The following NSF variants were observed in gnomAD, a reference collection of about 807,000 sequenced individuals.
The protein encoded by NSF is N-ethylmaleimide sensitive factor, vesicle fusing ATPase, also known as vesicle-fusing ATPase.
NSF carries 14 observed loss-of-function variants against 50.3 expected under a neutral mutation model. The ratio of observed to expected loss-of-function variants is 0.28; its 90% CI spans 0.18 to 0.44. The LOEUF is 0.44. Ranked by LOEUF, NSF falls within the 20% of genes least tolerant of loss-of-function variation. The pLI is 1.00. For missense variants in NSF, 218 were observed against 504.3 expected (o/e 0.43, Z 5.44); for synonymous variants, 109 against 175.7 (o/e 0.62, Z 3.00).
rs1029770779 is a variant in NSF, at chr17:46,676,236, T to C, written c.945+1623T>C. 4.0e-3 allele frequency among the ~76,000 whole-genome samples: 462 copies of C among 115,134 alleles called. 5 individuals are homozygous for C. Among genetic ancestry groups the C allele is most frequent in the East Asian group, 0.014 (71 of 4,944 alleles). The allele number at this position is 115,134 out of a possible 152,430, so 75.5% of individuals were successfully genotyped here. ...ATCTCCTATGGGAATTCTTCTTCTT[T>C]TTTTTTTTTTTTTGAGATGGAGTTT... On this transcript the variant is annotated intron_variant, in intron 9 of 20. Coordinates refer to ENST00000398238, the MANE Select transcript of NSF (RefSeq NM_006178.4).
intron 17 of NSF, among the ~76,000 whole-genome samples, chr17:46,745,310 T>C (rs763319011): frequency 3.3e-5 from 5 of 152,224 alleles, no homozygotes; most frequent in Non-Finnish European, 1.5e-5. Flanking sequence ...CCCAGCACAA[T>C]TTAATAATTT....
rs981393024 is a variant in NSF at position 46,757,150 on chromosome 17, A to C, written c.*1327A>C. 4 of 152,172 alleles carry C rather than the reference A, an allele frequency of 2.6e-5. No individual in the cohort carries two copies. Among genetic ancestry groups the C allele is most frequent in the African/African-American group, 9.7e-5 (4 of 41,442 alleles). 9.4% of individuals were successfully genotyped at this position (152,172 alleles called of 1,614,324 possible). A position where few individuals can be genotyped will look rare whatever the true frequency, so the allele number is the denominator to read the frequency against. ...CATGTGAGAAAGCAGATCATCTCCA[A>C]ATCTTGCCATTTGTATACTTTTGGT... On this transcript the variant is annotated 3_prime_UTR_variant, in exon 21 of 21. Transcript: ENST00000398238.
At chr17:46,723,017 G>A (rs1050735459) in intron 15 of NSF, among the ~76,000 whole-genome samples, 1 of 152,182 alleles carries the variant, frequency 6.6e-6, no homozygotes, top group African/African-American at 2.4e-5. Flanking sequence ...CAAATGTTAT[G>A]TGTAGGCCAT....
chr17:46,741,770 T>TTTG (rs147244018), intron 17 of NSF, among the ~76,000 whole-genome samples: 147,804 of 151,712 alleles, frequency 0.97, 72,088 homozygotes, highest in East Asian at 1. Context: ...GGTTTTTGTT[T>TTTG]TTGTTGTTGT....
chr17:46,743,086 C>G (rs1042210852), intron 17 of NSF, among the ~76,000 whole-genome samples: 1 of 152,116 alleles, frequency 6.6e-6, no homozygotes, highest in Non-Finnish European at 1.5e-5. Flanking sequence ...TGCCATGACT[C>G]CTTCGGAGGG....
chr17:46,726,889 A>G (rs568704196), intron 16 of NSF, among the ~76,000 whole-genome samples: 7 of 152,306 alleles, frequency 4.6e-5, no homozygotes, highest in South Asian at 2.1e-4. Context: ...TTGCCATAGT[A>G]AATGATTAGT....
rs1041218632 is a variant in NSF, at chr17:46,722,006, C to T, written c.1762-4543C>T. The T allele has an allele frequency of 8.7e-6, 14 of 1,608,598 alleles. No individual in the cohort carries two copies. In the South Asian group the frequency reaches 9.9e-5, roughly 11 times the overall value. Reference sequence around the variant, plus strand: ...GATTATGATAGCTTTCCGACCACCACCAACTTCAGTTTCCTTGGCTGCCGT... The same window carrying T: ...GATTATGATAGCTTTCCGACCACCATCAACTTCAGTTTCCTTGGCTGCCGT... On this transcript the variant is annotated intron_variant, in intron 15 of 20. Transcript: ENST00000398238.
At chr17:46,742,904 A>G (rs914952654) in intron 17 of NSF, among the ~76,000 whole-genome samples, 2 of 152,182 alleles carry the variant, frequency 1.3e-5, no homozygotes, top group African/African-American at 4.8e-5. Context: ...GAAAATATGA[A>G]AAATTATTCC....
chr17:46,597,788 CTTTTTTTTTTTTTTTTTT>C (rs1162187499), intron 1 of NSF, among the ~76,000 whole-genome samples: 1 of 44,168 alleles, frequency 2.3e-5, no homozygotes, highest in Non-Finnish European at 4.9e-5. Flanking sequence ...TTGCAATACT[CTTTTTTTTTTTTTTTTTT>C]TTTTTTTTTT....
intron 9 of NSF, among the ~76,000 whole-genome samples, chr17:46,685,477 A>T (rs1280670932): frequency 6.6e-6 from 1 of 152,002 alleles, no homozygotes; most frequent in Non-Finnish European, 1.5e-5. Flanking sequence ...ACGGAGATGA[A>T]CACTTGCATA....
chr17:46,742,756 G>A (rs199442), intron 17 of NSF, among the ~76,000 whole-genome samples: 45,671 of 152,070 alleles, frequency 0.3, 7,625 homozygotes, highest in East Asian at 0.6. Context: ...CTGCAAGGGC[G>A]CAGATGGATG....
rs201718415 is a variant in NSF, at chr17:46,693,571, A to G, written c.1112-276A>G. On this transcript the variant is annotated intron_variant, in intron 10 of 20. Coordinates refer to ENST00000398238, the MANE Select transcript of NSF (RefSeq NM_006178.4). Reference sequence around the variant, plus strand: ...TGAAGTCTGAAAACCACTGGCCTGTAAAAAAGAGAAGGAACTTTGGAGTCA... The same window carrying G: ...TGAAGTCTGAAAACCACTGGCCTGTGAAAAAGAGAAGGAACTTTGGAGTCA... 6.8e-4 allele frequency among the ~76,000 whole-genome samples: 100 copies of G among 146,288 alleles called. 1 individual carries two copies. In the East Asian group the frequency reaches 0.019, roughly 28 times the overall value.
chr17:46,729,017 C>G (rs1166980237), intron 17 of NSF, 83 bp downstream of exon 17: 12 of 851,248 alleles, frequency 1.4e-5, no homozygotes, highest in Non-Finnish European at 2.0e-5. Flanking sequence ...TTTAAATAAG[C>G]AGGTTATCAT....
intron 13 of NSF, among the ~76,000 whole-genome samples, chr17:46,707,939 A>C (rs541387137): frequency 3.3e-5 from 5 of 151,892 alleles, no homozygotes; most frequent in African/African-American, 1.2e-4. Flanking sequence ...AGGCTGAGAC[A>C]TGAGAATCAT....
At chr17:46,730,213 T>C (rs979721811) in intron 17 of NSF, among the ~76,000 whole-genome samples, 3 of 152,198 alleles carry the variant, frequency 2.0e-5, no homozygotes, top group Admixed American at 2.0e-4. Flanking sequence ...ACATATATTA[T>C]GCACACAAAA....
chr17:46,748,557 A>G (rs1346038506), intron 17 of NSF, among the ~76,000 whole-genome samples: 2 of 152,304 alleles, frequency 1.3e-5, no homozygotes, highest in East Asian at 1.9e-4. Context: ...TACATGCAGC[A>G]TAGACAGGGG....
chr17:46,727,781 C>G (rs376694306), intron 16 of NSF, among the ~76,000 whole-genome samples: 2 of 152,206 alleles, frequency 1.3e-5, no homozygotes, highest in African/African-American at 4.8e-5. Context: ...GCAACACTAC[C>G]ATGTCAGGAA....
intron 8 of NSF, among the ~76,000 whole-genome samples, chr17:46,666,074 A>G (rs557985914): frequency 1.2e-4 from 18 of 150,948 alleles, no homozygotes; most frequent in African/African-American, 4.4e-4. Flanking sequence ...AAGGGCAGTG[A>G]CCGCTTTCCA....
In NSF at chr17:46,711,020, T is replaced by C. The variant is rs2058714531; in HGVS notation, c.1528T>C (p.Trp510Arg). Reference protein sequence around the residue: ...ASYIMNGIIKWGDPVTRVLDD... With the variant: ...ASYIMNGIIKRGDPVTRVLDD... Reference sequence around the variant, plus strand: ...TTACATTATGAACGGTATCATCAAATGGGGTGACCCAGTTACTCGAGTTCT... The same window carrying C: ...TTACATTATGAACGGTATCATCAAACGGGGTGACCCAGTTACTCGAGTTCT... The change falls in exon 14 of 21, where the codon TGG becomes CGG. Residue 510 changes from tryptophan to arginine, a missense_variant. By Grantham distance (101) the Trp-to-Arg change is moderately radical (BLOSUM62 -3). This residue lies in a region of NSF where 209 missense variants were observed against 320.9 expected (regional missense o/e 0.65). Coordinates refer to ENST00000398238, the MANE Select transcript of NSF (RefSeq NM_006178.4). The C allele has an allele frequency of 6.3e-7, 1 of 1,593,814 alleles. No homozygotes were observed. Among genetic ancestry groups the C allele is most frequent in the Non-Finnish European group, 8.5e-7 (1 of 1,173,564 alleles).
Sources: allele counts gnomAD v4.1 joint callset (sites outside exome capture counted in the v4.1 genomes callset), GRCh38; gene constraint gnomAD v4.1.1; regional missense constraint gnomAD v4.1.1; transcripts MANE v1.5; gene names NCBI Gene and HGNC (gene_info 2026-07-23, HGNC 2026-07-21).